KIRREL3: variants seen among roughly 807,000 people sequenced by gnomAD.
KIRREL3 encodes the protein kirre like nephrin family adhesion molecule 3.
In KIRREL3, 36 loss-of-function variants were observed where a neutral mutation model predicts 89.7. The ratio of observed to expected loss-of-function variants is 0.40; its 90% CI spans 0.31 to 0.53. The LOEUF (loss-of-function observed/expected upper bound fraction) is 0.53, where lower values mean the gene tolerates loss of function less well. KIRREL3 is among the 20% of genes least tolerant of loss of function. The pLI, the probability that KIRREL3 is intolerant of heterozygous loss-of-function variation, is 0.49. For missense variants in KIRREL3, 864 were observed against 1,056.6 expected (o/e 0.82, Z 2.53); for synonymous variants, 445 against 441.4 (o/e 1.01, Z -0.10).
rs1951377873 is a variant in KIRREL3 at position 126,811,272 on chromosome 11, C to T, written c.55+189183G>A. ...CCCTAGTACCCTTCCCACCCGCTTT[C>T]ATCCTCTTTCTTCAGAGAGAACTTT... On this transcript the variant is annotated intron_variant, in intron 1 of 16. Coordinates refer to ENST00000525144, the MANE Select transcript of KIRREL3 (RefSeq NM_032531.4). The surrounding 1 kb of genome is among the most constrained non-coding windows in gnomAD (Gnocchi z 4.3). Among the ~76,000 whole-genome samples the T allele has an allele frequency of 6.6e-6, 1 of 152,222 alleles. No individual in the cohort carries two copies. Among genetic ancestry groups the T allele is most frequent in the Non-Finnish European group, 1.5e-5 (1 of 68,040 alleles).
chr11:126,971,723 C>T (rs2040339), intron 1 of KIRREL3, among the ~76,000 whole-genome samples: 17,660 of 152,134 alleles, frequency 0.12, 1,122 homozygotes, highest in East Asian at 0.28. Context: ...CAAAGGGCAT[C>T]GAAGACGGTC....
rs1261480879 is a variant in KIRREL3, at chr11:126,578,428, G to A, written c.56-15516C>T. On this transcript the variant is annotated intron_variant, in intron 1 of 16. Transcript: ENST00000525144. The surrounding 1 kb of genome is among the most constrained non-coding windows in gnomAD (Gnocchi z 4.9). ...AAAGGGATGATCTTGGTCTTGGCGT[G>A]AACTTCCACATGAACGTGACTCCGT... 6.6e-6 allele frequency among the ~76,000 whole-genome samples: 1 copy of A among 152,220 alleles called. No homozygotes were observed. Among genetic ancestry groups the A allele is most frequent in the East Asian group, 1.9e-4 (1 of 5,202 alleles).
chr11:126,650,714 T>A (rs2134969856), intron 1 of KIRREL3, among the ~76,000 whole-genome samples: 1 of 152,340 alleles, frequency 6.6e-6, no homozygotes, highest in South Asian at 2.1e-4. Context: ...CATTTTCGTG[T>A]CTTCTTCTGG....
Position 126,436,962 on chromosome 11 carries a change from G to C in KIRREL3, c.1401C>G (p.Arg467=). Residue 467 remains arginine, a synonymous_variant, in exon 12 of 17, where the codon CGC becomes CGG. Coordinates refer to ENST00000525144, the MANE Select transcript of KIRREL3 (RefSeq NM_032531.4). ...ENVLESGTSG[R]YTVETISTEE... ...CGGTGCTGATGGTCTCCACCGTATAGCGCCCCGATGTGCCCGACTCCAGAA... is the reference window on the plus strand; with the variant it reads ...CGGTGCTGATGGTCTCCACCGTATACCGCCCCGATGTGCCCGACTCCAGAA... The C allele has an allele frequency of 6.3e-7, 1 of 1,592,988 alleles. No homozygotes were observed.
intron 1 of KIRREL3, among the ~76,000 whole-genome samples, chr11:126,910,637 G>T (rs922250245): frequency 6.6e-6 from 1 of 152,200 alleles, no homozygotes; most frequent in African/African-American, 2.4e-5. Flanking sequence ...TCATATGGAT[G>T]AGGAAATCGG....
In KIRREL3 at chr11:126,837,624, A is replaced by G. The variant is rs1261158164; in HGVS notation, c.55+162831T>C. 2.0e-5 allele frequency among the ~76,000 whole-genome samples: 3 copies of G among 152,230 alleles called. No homozygotes were observed. In the South Asian group the frequency reaches 6.2e-4, roughly 32 times the overall value. ...TGCTGTGAAAGTGTCACAGCAACAC[A>G]GGGAATAATGACTCCATCTCCTCTG... is the stretch of plus-strand genomic sequence containing the variant. On this transcript the variant is annotated intron_variant, in intron 1 of 16. Coordinates refer to ENST00000525144, the MANE Select transcript of KIRREL3 (RefSeq NM_032531.4). The surrounding 1 kb of genome is among the most constrained non-coding windows in gnomAD (Gnocchi z 4.7).
At position 126,525,767 on chromosome 11, in the gene KIRREL3, GA is replaced by G. The variant is rs1565523681; in HGVS notation, c.283+770del. ...ACAACCACTGCCTACCTGTAGGACA[GA>G]ATAATGATAGCTGAAGGGTGTGTGA... On this transcript the variant is annotated intron_variant, in intron 3 of 16. Coordinates refer to ENST00000525144, the MANE Select transcript of KIRREL3 (RefSeq NM_032531.4). The surrounding 1 kb of genome is among the most constrained non-coding windows in gnomAD (Gnocchi z 5.4). 6.6e-6 allele frequency among the ~76,000 whole-genome samples: 1 copy of G among 152,186 alleles called. No homozygotes were observed. Among genetic ancestry groups the G allele is most frequent in the Non-Finnish European group, 1.5e-5 (1 of 68,036 alleles).
In KIRREL3 at chr11:126,994,766, C is replaced by G. The variant is rs1950130811; in HGVS notation, c.55+5689G>C. Among the ~76,000 whole-genome samples, 1 of 152,176 alleles carries G rather than the reference C, an allele frequency of 6.6e-6. No individual in the cohort carries two copies. Among genetic ancestry groups the G allele is most frequent in the African/African-American group, 2.4e-5 (1 of 41,438 alleles). On this transcript the variant is annotated intron_variant, in intron 1 of 16. Coordinates refer to ENST00000525144, the MANE Select transcript of KIRREL3 (RefSeq NM_032531.4). This position sits in a 1 kb window ranked among gnomAD's most constrained non-coding sequence, Gnocchi z 5.2. The stretch of plus-strand genomic sequence containing the variant: ...TCAATGGGGGAGAAGATCCCCCACC[C>G]TCTTGTGACCCTTGGCTCTATGGCA...
At chr11:126,936,392 GCCC>G (rs1206081737) in intron 1 of KIRREL3, 1 of 152,098 alleles carries the variant, frequency 6.6e-6, no homozygotes, top group Non-Finnish European at 1.5e-5. Flanking sequence ...CTAGATGTCT[GCCC>G]AAGAGAAATG....
In KIRREL3 at chr11:126,611,280, A is replaced by G. The variant is rs545081395; in HGVS notation, c.56-48368T>C. ...CTATTACTGTTGTTCCTACCACCGC[A>G]CCCTCTCCCATTCCTTTCCTTCTCA... On this transcript the variant is annotated intron_variant, in intron 1 of 16. Coordinates refer to ENST00000525144, the MANE Select transcript of KIRREL3 (RefSeq NM_032531.4). This position sits in a 1 kb window ranked among gnomAD's most constrained non-coding sequence, Gnocchi z 4.7. Among the ~76,000 whole-genome samples the G allele has an allele frequency of 6.6e-6, 1 of 152,026 alleles. No homozygotes were observed. The highest frequency in any genetic ancestry group is 1.5e-5 in the Non-Finnish European group (1 of 68,002).
In KIRREL3 at chr11:126,685,753, C is replaced by A. The variant is rs1159958576; in HGVS notation, c.56-122841G>T. On this transcript the variant is annotated intron_variant, in intron 1 of 16. Transcript: ENST00000525144. The surrounding 1 kb of genome is among the most constrained non-coding windows in gnomAD (Gnocchi z 5.5). Reference sequence around the variant, plus strand: ...ATGACGGCAAATGTCTCCCCACCGTCGGCAGCATCTTGGCCATTCAGAGCT... The same window carrying A: ...ATGACGGCAAATGTCTCCCCACCGTAGGCAGCATCTTGGCCATTCAGAGCT... 6.6e-6 allele frequency among the ~76,000 whole-genome samples: 1 copy of A among 152,216 alleles called. No homozygotes were observed. The highest frequency in any genetic ancestry group is 1.5e-5 in the Non-Finnish European group (1 of 68,042).
intron 1 of KIRREL3, among the ~76,000 whole-genome samples, chr11:126,960,770 G>A (rs971945515): frequency 2.6e-4 from 40 of 151,200 alleles, no homozygotes; most frequent in African/African-American, 9.5e-4. Context: ...TTGTTTTATT[G>A]TGCTTTGCTT....
chr11:126,627,918 C>A lies in KIRREL3; in HGVS notation c.56-65006G>T, dbSNP rs1348619394. The stretch of plus-strand genomic sequence containing the variant: ...GAAAACAGCCCAGGAGTTGGGAGAC[C>A]CACATCTTCATTCTGTCTCTCCCAC... On this transcript the variant is annotated intron_variant, in intron 1 of 16. Coordinates refer to ENST00000525144, the MANE Select transcript of KIRREL3 (RefSeq NM_032531.4). This position sits in a 1 kb window ranked among gnomAD's most constrained non-coding sequence, Gnocchi z 5.0. Among the ~76,000 whole-genome samples, 2 of 152,130 alleles carry A rather than the reference C, an allele frequency of 1.3e-5. No individual in the cohort carries two copies. The highest frequency in any genetic ancestry group is 4.8e-5 in the African/African-American group (2 of 41,432).
chr11:126,632,989 G>T (rs10893547), intron 1 of KIRREL3, among the ~76,000 whole-genome samples: 1 of 151,532 alleles, frequency 6.6e-6, no homozygotes, highest in Non-Finnish European at 1.5e-5. Context: ...CTATTCGGGA[G>T]GCTGAGGCAG....
intron 6 of KIRREL3, among the ~76,000 whole-genome samples, chr11:126,457,431 G>T (rs534366034): frequency 6.6e-6 from 1 of 151,722 alleles, no homozygotes; most frequent in Admixed American, 6.6e-5. Context: ...GTGTCTATGC[G>T]TGTGTGTATG....
chr11:126,789,613 C>T (rs1950577603), intron 1 of KIRREL3, among the ~76,000 whole-genome samples: 1 of 152,208 alleles, frequency 6.6e-6, no homozygotes, highest in African/African-American at 2.4e-5. Context: ...CCTTGCCAGT[C>T]TCTCAAACTG....
In KIRREL3 at chr11:126,891,912, T is replaced by C. The variant is rs1386285284; in HGVS notation, c.55+108543A>G. The stretch of plus-strand genomic sequence containing the variant: ...TCTTGCCCAAGAATACATATGAATA[T>C]CTGCAAAAACAAAGTTGGGGTTTGA... On this transcript the variant is annotated intron_variant, in intron 1 of 16. Coordinates refer to ENST00000525144, the MANE Select transcript of KIRREL3 (RefSeq NM_032531.4). The surrounding 1 kb of genome is among the most constrained non-coding windows in gnomAD (Gnocchi z 5.1). 1.3e-5 allele frequency among the ~76,000 whole-genome samples: 2 copies of C among 152,206 alleles called. No homozygotes were observed. The highest frequency in any genetic ancestry group is 2.9e-5 in the Non-Finnish European group (2 of 68,032).
At position 126,900,202 on chromosome 11, in the gene KIRREL3, A is replaced by C. The variant is rs1946320874; in HGVS notation, c.55+100253T>G. ...AGCTCTCATGTGCCTAATTTATAGCAAGTCACCTACTACTAGAACATCGGC... is the reference window on the plus strand; with the variant it reads ...AGCTCTCATGTGCCTAATTTATAGCCAGTCACCTACTACTAGAACATCGGC... On this transcript the variant is annotated intron_variant, in intron 1 of 16. Coordinates refer to ENST00000525144, the MANE Select transcript of KIRREL3 (RefSeq NM_032531.4). This position sits in a 1 kb window ranked among gnomAD's most constrained non-coding sequence, Gnocchi z 4.4. Among the ~76,000 whole-genome samples the C allele has an allele frequency of 6.6e-6, 1 of 152,172 alleles. No individual in the cohort carries two copies. Among genetic ancestry groups the C allele is most frequent in the Non-Finnish European group, 1.5e-5 (1 of 68,034 alleles).
Position 126,579,669 on chromosome 11 carries a change from T to C in KIRREL3, c.56-16757A>G, listed in dbSNP as rs1325284539. ...GGGAGCATTGAGGTTGGATGGCATT[T>C]GTATCTAGAGTTGCACCTGGATCTG... On this transcript the variant is annotated intron_variant, in intron 1 of 16. Transcript: ENST00000525144. The surrounding 1 kb of genome is among the most constrained non-coding windows in gnomAD (Gnocchi z 5.3). Among the ~76,000 whole-genome samples, 1 of 152,002 alleles carries C rather than the reference T, an allele frequency of 6.6e-6. No individual in the cohort carries two copies. Among genetic ancestry groups the C allele is most frequent in the African/African-American group, 2.4e-5 (1 of 41,376 alleles).
Sources: allele counts gnomAD v4.1 joint callset (sites outside exome capture counted in the v4.1 genomes callset), GRCh38; gene constraint gnomAD v4.1.1; non-coding constraint Gnocchi (gnomAD v3.1); transcripts MANE v1.5; gene names NCBI Gene and HGNC (gene_info 2026-07-23, HGNC 2026-07-21).